GABRA3: variants seen among roughly 807,000 people sequenced by gnomAD.
The protein encoded by GABRA3 is gamma-aminobutyric acid type A receptor subunit alpha3, also known as gamma-aminobutyric acid receptor subunit alpha-3.
In GABRA3, 10 loss-of-function variants were observed where a neutral mutation model predicts 30.1. The ratio of observed to expected loss-of-function variants is 0.33; its 90% CI spans 0.20 to 0.56. The LOEUF (loss-of-function observed/expected upper bound fraction) is 0.56, where lower values mean the gene tolerates loss of function less well. GABRA3 is among the 20% of genes least tolerant of loss of function. GABRA3 has a pLI of 0.89. For missense variants in GABRA3, 233 were observed against 392.0 expected, an observed-to-expected ratio of 0.59 and a Z score of 3.42; for synonymous variants, 151 against 146.8, an observed-to-expected ratio of 1.03 and a Z score of -0.21.
At chrX:152,403,940 A>T (rs763761041) in intron 1 of GABRA3, among the ~76,000 whole-genome samples, 9 of 111,085 alleles carry the variant, frequency 8.1e-5, no homozygotes, top group Non-Finnish European at 1.7e-4. Context: ...ACATTTTCCA[A>T]GGAGGCATTT....
At chrX:152,215,896 A>T (rs1031049838) in intron 6 of GABRA3, among the ~76,000 whole-genome samples, 8 of 111,396 alleles carry the variant, frequency 7.2e-5, no homozygotes, top group Non-Finnish European at 1.3e-4. Context: ...CAAATAATAT[A>T]AAAAAATCTG....
chrX:152,274,473 T>A (rs1373953568), intron 4 of GABRA3, among the ~76,000 whole-genome samples: 2 of 111,202 alleles, frequency 1.8e-5, no homozygotes, highest in East Asian at 2.8e-4. Flanking sequence ...CTACAGATCA[T>A]TCTCTTTCAA....
In GABRA3 at chrX:152,388,528, T is replaced by C. The variant is rs1481021494; in HGVS notation, c.-26-23932A>G. On this transcript the variant is annotated intron_variant, in intron 1 of 9. Transcript: ENST00000370314. Reference sequence around the variant, plus strand: ...TGCGTAAGTTGACAACCACTGTTTATGAGAAGATATCACTATTCCAAGAAC... The same window carrying C: ...TGCGTAAGTTGACAACCACTGTTTACGAGAAGATATCACTATTCCAAGAAC... 4.5e-5 allele frequency among the ~76,000 whole-genome samples: 5 copies of C among 112,096 alleles called. No homozygotes were observed. The Admixed American group carries it at 4.8e-4, about 11-fold the overall frequency.
chrX:152,168,027 T>C lies in GABRA3; in HGVS notation c.*201A>G, dbSNP rs1252704053. 6.0e-5 allele frequency: 26 copies of C among 436,771 alleles called. No homozygotes were observed. In the East Asian group the frequency reaches 9.7e-4, roughly 16 times the overall value. The allele number at this position is 436,771 out of a possible 1,213,427, so 36.0% of individuals were successfully genotyped here. On this transcript the variant is annotated 3_prime_UTR_variant, in exon 10 of 10. Coordinates refer to ENST00000370314, the MANE Select transcript of GABRA3 (RefSeq NM_000808.4). ...GCAGTGTTTGGCTTTGATGGGGTTATACTGGGCAATATTGGAGGGACAAGT... is the reference window on the plus strand; with the variant it reads ...GCAGTGTTTGGCTTTGATGGGGTTACACTGGGCAATATTGGAGGGACAAGT...
At chrX:152,295,038 A>ACAGCGAT (rs2124448420) in intron 3 of GABRA3, among the ~76,000 whole-genome samples, 1 of 111,157 alleles carries the variant, frequency 9.0e-6, no homozygotes, top group Admixed American at 9.5e-5. Flanking sequence ...AGAACAGCGA[A>ACAGCGAT]TATTGCTGCC....
intron 1 of GABRA3, among the ~76,000 whole-genome samples, chrX:152,372,066 AC>A (rs1928855920): frequency 9.1e-6 from 1 of 110,450 alleles, no homozygotes; most frequent in African/African-American, 3.3e-5. Flanking sequence ...GTTCAAAACC[AC>A]CCCCATGACT....
chrX:152,376,144 C>T (rs1928991401), intron 1 of GABRA3, among the ~76,000 whole-genome samples: 1 of 112,112 alleles, frequency 8.9e-6, no homozygotes, highest in African/African-American at 3.2e-5. Context: ...CTAAGACTGA[C>T]AGATACAGAA....
At chrX:152,219,813 G>A (rs1258760782) in intron 6 of GABRA3, among the ~76,000 whole-genome samples, 1 of 106,137 alleles carries the variant, frequency 9.4e-6, no homozygotes, top group Non-Finnish European at 1.9e-5. Context: ...TACACACACA[G>A]TATTCTAAAT....
intron 9 of GABRA3, among the ~76,000 whole-genome samples, chrX:152,182,633 CTATATAT>C (rs1937182546): frequency 3.0e-4 from 1 of 3,323 alleles, no homozygotes; most frequent in Non-Finnish European, 8.3e-4. Flanking sequence ...TATATATACA[CTATATAT>C]ACACTATATA....
intron 2 of GABRA3, 92 bp from the exon 3 acceptor site, chrX:152,345,794 T>C: frequency 1.2e-6 from 1 of 836,570 alleles, no homozygotes; most frequent in Non-Finnish European, 1.7e-6. Context: ...TTTCAATTAA[T>C]AGACTGGGCC....
intron 1 of GABRA3, among the ~76,000 whole-genome samples, chrX:152,440,347 A>G (rs901102557): frequency 2.1e-4 from 24 of 112,335 alleles, no homozygotes; most frequent in African/African-American, 7.4e-4. Flanking sequence ...TTAGAATGGC[A>G]ATCATTAAAA....
intron 4 of GABRA3, among the ~76,000 whole-genome samples, chrX:152,261,814 C>A (rs767436684): frequency 8.9e-5 from 10 of 112,283 alleles, no homozygotes; most frequent in Non-Finnish European, 1.7e-4. Flanking sequence ...TCTCACACTT[C>A]CACTATGCGG....
intron 3 of GABRA3, among the ~76,000 whole-genome samples, chrX:152,294,636 G>A (rs916618257): frequency 8.1e-5 from 9 of 110,649 alleles, no homozygotes; most frequent in African/African-American, 2.0e-4. Flanking sequence ...CTGTCAACTC[G>A]TCAAAGTCAT....
chrX:152,202,340 G>A (rs1937494138), intron 7 of GABRA3, among the ~76,000 whole-genome samples: 1 of 111,742 alleles, frequency 8.9e-6, no homozygotes, highest in Non-Finnish European at 1.9e-5. Flanking sequence ...ACATATATAT[G>A]TAAGGTAATA....
intron 3 of GABRA3, among the ~76,000 whole-genome samples, chrX:152,301,535 T>C (rs948226469): frequency 3.9e-4 from 44 of 111,462 alleles, no homozygotes; most frequent in African/African-American, 1.4e-3. Context: ...TGTTTTTTTG[T>C]TTCTTTTTTC....
intron 1 of GABRA3, among the ~76,000 whole-genome samples, chrX:152,430,221 T>C (rs1330986591): frequency 2.7e-5 from 3 of 111,481 alleles, no homozygotes; most frequent in Non-Finnish European, 5.7e-5. Flanking sequence ...AAATAAAATA[T>C]GTCCATGCAG....
At chrX:152,379,727 C>G (rs1049225357) in intron 1 of GABRA3, among the ~76,000 whole-genome samples, 3 of 111,673 alleles carry the variant, frequency 2.7e-5, no homozygotes, top group African/African-American at 6.5e-5. Context: ...AAATGCAAAG[C>G]AAACAATAGC....
At chrX:152,202,347 A>T in intron 7 of GABRA3, among the ~76,000 whole-genome samples, 1 of 112,019 alleles carries the variant, frequency 8.9e-6, no homozygotes, top group East Asian at 2.8e-4. Context: ...TATGTAAGGT[A>T]ATAATGTTTA....
chrX:152,279,785 A>C (rs946665212), intron 4 of GABRA3, among the ~76,000 whole-genome samples: 14 of 111,248 alleles, frequency 1.3e-4, no homozygotes, highest in Admixed American at 7.7e-4. Flanking sequence ...CTTTTATTTC[A>C]TTGAGAAGTG....
Sources: gnomAD v4.1 joint callset for allele counts (sites outside exome capture counted in the v4.1 genomes callset) on GRCh38, gnomAD v4.1.1 for gene constraint, MANE v1.5 for transcripts, NCBI Gene and HGNC (gene_info 2026-07-23, HGNC 2026-07-21) for gene names.